The following EFCAB8 variants were observed in gnomAD, a reference collection of about 807,000 sequenced individuals.
EFCAB8 encodes EF-hand calcium-binding domain-containing protein 8.
In EFCAB8, 100 loss-of-function variants were observed where a neutral mutation model predicts 116.3. The ratio of observed to expected loss-of-function variants is 0.86; its 90% CI spans 0.73 to 1.02. EFCAB8 has a LOEUF of 1.02. Ranked by LOEUF, EFCAB8 falls within the 50% of genes least tolerant of loss-of-function variation. The pLI, the probability that EFCAB8 is intolerant of heterozygous loss-of-function variation, is 0.00. For synonymous variants in EFCAB8, 558 were observed against 567.9 expected, an observed-to-expected ratio of 0.98 and a Z score of 0.25; for missense variants, 1,320 against 1,416.9, an observed-to-expected ratio of 0.93 and a Z score of 1.10.
At chr20:32,921,512 A>G (rs759220767) in intron 20 of EFCAB8, among the ~76,000 whole-genome samples, 9 of 151,928 alleles carry the variant, frequency 5.9e-5, no homozygotes, top group Non-Finnish European at 1.3e-4. Context: ...CATTATACCC[A>G]GCCTCTTCCT....
chr20:32,883,423 G>C (rs1469861955), intron 5 of EFCAB8, among the ~76,000 whole-genome samples: 1 of 152,192 alleles, frequency 6.6e-6, no homozygotes, highest in Non-Finnish European at 1.5e-5. Context: ...GTCCCTGCCA[G>C]CTCTCTAGCT....
chr20:32,871,709 A>G (rs1984690837), intron 3 of EFCAB8, among the ~76,000 whole-genome samples: 1 of 152,174 alleles, frequency 6.6e-6, no homozygotes, highest in South Asian at 2.1e-4. Flanking sequence ...GAGGTGGATT[A>G]TGAGTGCGGG....
At chr20:32,878,874 T>A in intron 5 of EFCAB8, 67 bp downstream of exon 5, 1 of 1,354,332 alleles carries the variant, frequency 7.4e-7, no homozygotes, top group East Asian at 2.5e-5. Context: ...CAGCCTGCAG[T>A]GAGCCCCTCC....
intron 3 of EFCAB8, among the ~76,000 whole-genome samples, chr20:32,868,206 A>G (rs1468368754): frequency 2.6e-5 from 4 of 152,094 alleles, no homozygotes; most frequent in Non-Finnish European, 5.9e-5. Flanking sequence ...CTACAGGCAC[A>G]TGCCACCATG....
chr20:32,937,420 A>G (rs1988163512), intron 22 of EFCAB8, among the ~76,000 whole-genome samples: 1 of 152,224 alleles, frequency 6.6e-6, no homozygotes, highest in South Asian at 2.1e-4. Context: ...ACTTTTCATT[A>G]TCAAAAAATA....
chr20:32,875,300 G>T (rs1984903869), intron 3 of EFCAB8, among the ~76,000 whole-genome samples: 1 of 152,058 alleles, frequency 6.6e-6, no homozygotes, highest in South Asian at 2.1e-4. Context: ...GGCTGGGGTG[G>T]ATGCTGAGAT....
chr20:32,900,359 TTTTTG>T (rs547316892), intron 11 of EFCAB8, among the ~76,000 whole-genome samples: 1 of 152,118 alleles, frequency 6.6e-6, no homozygotes, highest in Admixed American at 6.5e-5. Context: ...CCAGTGCCTT[TTTTTG>T]TTTTGTTTTG....
chr20:32,889,230 G>A, intron 6 of EFCAB8, 71 bp from the exon 7 acceptor site: 1 of 1,351,066 alleles, frequency 7.4e-7, no homozygotes, highest in Non-Finnish European at 1.0e-6. Context: ...TGTGGCAGGA[G>A]AGGTTCATGG....
At chr20:32,910,602 C>T (rs1317318895) in intron 15 of EFCAB8, among the ~76,000 whole-genome samples, 1 of 152,186 alleles carries the variant, frequency 6.6e-6, no homozygotes, top group Non-Finnish European at 1.5e-5. Context: ...CCCATCCTGG[C>T]TCCTGCCACC....
At chr20:32,900,447 G>A (rs1014829223) in intron 11 of EFCAB8, among the ~76,000 whole-genome samples, 3 of 152,020 alleles carry the variant, frequency 2.0e-5, no homozygotes, top group East Asian at 3.9e-4. Flanking sequence ...TGTAACCTCC[G>A]CCTTCCAGGT....
At chr20:32,927,752 A>G (rs1987731013) in intron 20 of EFCAB8, among the ~76,000 whole-genome samples, 1 of 152,166 alleles carries the variant, frequency 6.6e-6, no homozygotes, top group Non-Finnish European at 1.5e-5. Context: ...TACAGTGAGC[A>G]CTTGCATAAA....
At chr20:32,942,023 A>G (rs1362417486) in intron 22 of EFCAB8, among the ~76,000 whole-genome samples, 1 of 152,164 alleles carries the variant, frequency 6.6e-6, no homozygotes, top group East Asian at 1.9e-4. Flanking sequence ...AAGGCCTTTA[A>G]TGTATACTAC....
chr20:32,901,958 T>C (rs12329625), intron 11 of EFCAB8, among the ~76,000 whole-genome samples: 1,648 of 152,346 alleles, frequency 0.011, 34 homozygotes, highest in African/African-American at 0.038. Flanking sequence ...AGTGCTGGGA[T>C]TACAGGCGTG....
At chr20:32,949,034 T>TA (rs769550855) in intron 23 of EFCAB8, among the ~76,000 whole-genome samples, 14 of 151,922 alleles carry the variant, frequency 9.2e-5, no homozygotes, top group Non-Finnish European at 1.9e-4. Flanking sequence ...AAGGAAGAAA[T>TA]AAAACTGTTT....
chr20:32,948,524 A>AAAAGAAAGAAAGAAAG (rs201493711), intron 23 of EFCAB8, among the ~76,000 whole-genome samples: 104 of 117,574 alleles, frequency 8.8e-4, no homozygotes, highest in East Asian at 3.8e-3. Flanking sequence ...AAGAAAGTGA[A>AAAAGAAAGAAAGAAAG]AAAGAAAGAA....
chr20:32,914,045 C>A (rs184079603), intron 17 of EFCAB8, among the ~76,000 whole-genome samples: 3 of 152,216 alleles, frequency 2.0e-5, no homozygotes, highest in Admixed American at 2.0e-4. Flanking sequence ...CCTGCATGAG[C>A]CCCCTGGCCC....
At chr20:32,882,297 A>G (rs1023532204) in intron 5 of EFCAB8, among the ~76,000 whole-genome samples, 25 of 152,148 alleles carry the variant, frequency 1.6e-4, no homozygotes, top group Admixed American at 5.2e-4. Flanking sequence ...TCCAAACAGA[A>G]TATCGTCCAT....
intron 3 of EFCAB8, among the ~76,000 whole-genome samples, chr20:32,871,998 C>T (rs1421800243): frequency 2.0e-5 from 3 of 152,182 alleles, no homozygotes; most frequent in African/African-American, 7.2e-5. Flanking sequence ...CTATCTTCTA[C>T]CTGGAAGGAC....
intron 24 of EFCAB8, among the ~76,000 whole-genome samples, 200 bp downstream of exon 24, chr20:32,958,750 T>A (rs1383169716): frequency 6.6e-6 from 1 of 152,170 alleles, no homozygotes; most frequent in Non-Finnish European, 1.5e-5. Flanking sequence ...CAGGCCCTAT[T>A]TTAGCCCAGC....
Sources: allele counts gnomAD v4.1 joint callset (sites outside exome capture counted in the v4.1 genomes callset), GRCh38; gene constraint gnomAD v4.1.1; transcripts MANE v1.5; gene names NCBI Gene and HGNC (gene_info 2026-07-23, HGNC 2026-07-21).